Variants in ALDH7A1 observed in about 807,000 individuals in gnomAD.
ALDH7A1 encodes the protein aldehyde dehydrogenase 7 family member A1, also known as alpha-aminoadipic semialdehyde dehydrogenase.
In ALDH7A1, 63 loss-of-function variants were observed where a neutral mutation model predicts 79.9. The ratio of observed to expected loss-of-function variants is 0.79; its 90% confidence interval spans 0.64 to 0.97. The LOEUF is 0.97. Ranked by LOEUF, ALDH7A1 falls within the 50% of genes least tolerant of loss-of-function variation. ALDH7A1 has a pLI of 0.00. For synonymous variants in ALDH7A1, 240 were observed against 231.2 expected (o/e 1.04, Z -0.34); for missense variants, 627 against 665.2 (o/e 0.94, Z 0.63).
intron 14 of ALDH7A1, 25 bp from the exon 15 acceptor site, chr5:126,550,318 G>T: frequency 1.3e-6 from 2 of 1,546,666 alleles, no homozygotes; most frequent in Non-Finnish European, 8.9e-7. Flanking sequence ...ATTGGAAGCT[G>T]TAAGATGTTA....
intron 3 of ALDH7A1, among the ~76,000 whole-genome samples, chr5:126,584,803 C>G (rs1238186435): frequency 6.6e-6 from 1 of 151,062 alleles, no homozygotes; most frequent in African/African-American, 2.4e-5. Flanking sequence ...TTCCCGCTCT[C>G]TGGCTTAAAT....
intron 3 of ALDH7A1, among the ~76,000 whole-genome samples, chr5:126,584,687 G>T (rs965918842): frequency 1.4e-5 from 2 of 142,018 alleles, no homozygotes; most frequent in African/African-American, 5.6e-5. Context: ...AAAGATTGCA[G>T]TGGTAACAAG....
intron 13 of ALDH7A1, 124 bp downstream of exon 13, chr5:126,554,159 TATAA>T (rs1750095565): frequency 4.3e-6 from 3 of 695,518 alleles, no homozygotes; most frequent in Admixed American, 2.4e-5. Flanking sequence ...TAATAATATA[TATAA>T]ATAAAGACAG....
chr5:126,560,077 T>A (rs1410859666), intron 10 of ALDH7A1, among the ~76,000 whole-genome samples: 1 of 151,950 alleles, frequency 6.6e-6, no homozygotes, highest in Non-Finnish European at 1.5e-5. Context: ...GTTGTAGGGA[T>A]TAAATGAAAT....
At chr5:126,572,956 C>T (rs534200279) in intron 7 of ALDH7A1, among the ~76,000 whole-genome samples, 64 of 152,286 alleles carry the variant, frequency 4.2e-4, no homozygotes, top group Admixed American at 9.1e-4. Context: ...ACGAAGACCT[C>T]TTTGTAGCAC....
intron 16 of ALDH7A1, 92 bp from the exon 17 acceptor site, chr5:126,546,491 C>T (rs1749791228): frequency 1.8e-6 from 2 of 1,085,590 alleles, no homozygotes; most frequent in East Asian, 2.5e-5. Context: ...CAAAAGGACA[C>T]CAGAACAACC....
At chr5:126,592,616 T>A (rs375158746) in intron 3 of ALDH7A1, 48 bp downstream of exon 3, 3 of 1,579,504 alleles carry the variant, frequency 1.9e-6, no homozygotes, top group Middle Eastern at 1.7e-4. Context: ...TTGGTTACAA[T>A]AGGCAAAGTG....
chr5:126,582,006 A>C lies in ALDH7A1; in HGVS notation c.517+845T>G, dbSNP rs199785085. On this transcript the variant is annotated intron_variant, in intron 5 of 17. Transcript: ENST00000409134. ...AAAAAAAAAATGTATAGTTTGCTAC[A>C]TATTTGGCTGTACGTGCTCTAAAAA... is the stretch of plus-strand genomic sequence containing the variant. 1.2e-3 allele frequency: 460 copies of C among 396,706 alleles called. 5 individuals are homozygous for C. In the East Asian group the frequency reaches 0.016, roughly 14 times the overall value. 24.6% of individuals were successfully genotyped at this position (396,706 alleles called of 1,614,324 possible). A position where few individuals can be genotyped will look rare whatever the true frequency, so the allele number is the denominator to read the frequency against.
chr5:126,584,261 A>C, intron 3 of ALDH7A1: 2 of 501,036 alleles, frequency 4.0e-6, no homozygotes, highest in Non-Finnish European at 3.6e-6. Context: ...CCAACAAATA[A>C]TTACAAATTG....
intron 3 of ALDH7A1, chr5:126,592,410 C>T (rs763032477): frequency 7.5e-6 from 4 of 532,006 alleles, no homozygotes; most frequent in African/African-American, 3.8e-5. Flanking sequence ...CAAGTTTATA[C>T]TATACCAGCA....
chr5:126,549,544 G>C (rs984916388), intron 16 of ALDH7A1: 3 of 203,812 alleles, frequency 1.5e-5, no homozygotes, highest in African/African-American at 7.0e-5. Context: ...TAGTGAAAAA[G>C]AGTATGTTTA....
rs112339487 is a variant in ALDH7A1, at chr5:126,560,977, C to A, written c.913+106G>T. 255 of 1,226,100 alleles carry A rather than the reference C, an allele frequency of 2.1e-4. 5 individuals carry two copies. In the South Asian group the frequency reaches 3.1e-3, roughly 15 times the overall value. The allele number at this position is 1,226,100 out of a possible 1,614,324, so 76.0% of individuals were successfully genotyped here. A position where few individuals can be genotyped will look rare whatever the true frequency, so the allele number is the denominator to read the frequency against. On this transcript the variant is annotated intron_variant, in intron 10 of 17. Transcript: ENST00000409134. ...CTAAACACAGGAACTAGGTCTCAGGCATATGCAACATGGACGAAATGAGAT... is the reference window on the plus strand; with the variant it reads ...CTAAACACAGGAACTAGGTCTCAGGAATATGCAACATGGACGAAATGAGAT...
At chr5:126,549,884 T>A (rs777388882) in intron 16 of ALDH7A1, 45 bp downstream of exon 16, 2 of 1,585,222 alleles carry the variant, frequency 1.3e-6, no homozygotes, top group South Asian at 2.2e-5. Flanking sequence ...TACTGGTTTT[T>A]CTTTGCTGCC....
rs759866910 is a variant in ALDH7A1 at position 126,595,191 on chromosome 5, C to A, written c.8G>T (p.Arg3Leu). The A allele has an allele frequency of 1.5e-5, 23 of 1,551,936 alleles. 1 individual carries two copies. The highest frequency in any genetic ancestry group is 1.3e-4 in the South Asian group (11 of 84,134). The change falls in exon 1 of 18, where the codon CGC (arginine) becomes CTC (leucine). Residue 3 changes from arginine (R) to leucine (L), a missense_variant. Arg to Leu is a moderately radical substitution (Grantham distance 102, BLOSUM62 -2). Coordinates refer to ENST00000409134, the MANE Select transcript of ALDH7A1 (RefSeq NM_001182.5). MW[R>L]LPRALCVHAA... ...GTGCACACACAGCGCGCGAGGAAGG[C>A]GCCACATACTGAGCCCGGGACTCGG...
chr5:126,575,439 T>G lies in ALDH7A1; in HGVS notation c.676A>C (p.Ile226Leu). The G allele has an allele frequency of 6.2e-7, 1 of 1,613,330 alleles. No homozygotes were observed. The highest frequency in any genetic ancestry group is 8.5e-7 in the Non-Finnish European group (1 of 1,179,728). The change falls in exon 7 of 18, where the codon ATT becomes CTT. Residue 226 changes from isoleucine (I) to leucine (L), a missense_variant. Transcript: ENST00000409134. ...ACTTACTTTGTGACAGCCACACTAA[T>G]GAGGGAAGTGGTTGGAGCTCCTTTC... is the stretch of plus-strand genomic sequence containing the variant. Reference protein sequence around the residue: ...LWKGAPTTSLISVAVTKIIAK... With the variant: ...LWKGAPTTSLLSVAVTKIIAK...
At chr5:126,580,532 C>T (rs1002075665) in intron 5 of ALDH7A1, among the ~76,000 whole-genome samples, 6 of 151,890 alleles carry the variant, frequency 4.0e-5, no homozygotes, top group Non-Finnish European at 7.4e-5. Context: ...AAAGACTCCC[C>T]CAACTCTTTC....
At chr5:126,546,207 G>C (rs983292131) in intron 17 of ALDH7A1, 117 bp downstream of exon 17, 1 of 953,436 alleles carries the variant, frequency 1.0e-6, no homozygotes. Flanking sequence ...GCTGTGGAAT[G>C]CTGGAAAAAT....
At position 126,593,418 on chromosome 5, in the gene ALDH7A1, G is replaced by T. The variant is rs775652360; in HGVS notation, c.193-14C>A. On this transcript the variant is annotated splice_polypyrimidine_tract_variant and intron_variant, in intron 1 of 17. Coordinates refer to ENST00000409134, the MANE Select transcript of ALDH7A1 (RefSeq NM_001182.5). Reference sequence around the variant, plus strand: ...GGTCGTAATAACCTTAAAACAAAAGGATGATGATCATGTATAGAAAACGTA... The same window carrying T: ...GGTCGTAATAACCTTAAAACAAAAGTATGATGATCATGTATAGAAAACGTA... The T allele has an allele frequency of 6.2e-7, 1 of 1,613,674 alleles. No homozygotes were observed. The highest frequency in any genetic ancestry group is 2.2e-5 in the East Asian group (1 of 44,864).
intron 3 of ALDH7A1, 116 bp from the exon 4 acceptor site, chr5:126,584,128 G>A (rs1413431464): frequency 2.2e-6 from 2 of 919,600 alleles, no homozygotes; most frequent in Non-Finnish European, 1.8e-6. Context: ...GAAGACTTTT[G>A]ATCACATCAA....
Sources: gnomAD v4.1 joint callset for allele counts (sites outside exome capture counted in the v4.1 genomes callset) on GRCh38, gnomAD v4.1.1 for gene constraint, MANE v1.5 for transcripts, NCBI Gene and HGNC (gene_info 2026-07-23, HGNC 2026-07-21) for gene names.